UBXN1: variants seen among roughly 807,000 people sequenced by gnomAD.
UBXN1 encodes the protein UBX domain protein 1.
UBXN1 carries 21 observed loss-of-function variants against 42.0 expected under a neutral mutation model. The ratio of observed to expected loss-of-function variants is 0.50; its 90% CI spans 0.35 to 0.72. UBXN1 has a LOEUF of 0.72. UBXN1 is among the 30% of genes least tolerant of loss of function. The probability of loss-of-function intolerance (pLI) is 0.00; values close to 1 mark genes in which losing one functional copy is unlikely to be tolerated. For missense variants in UBXN1, 374 were observed against 382.2 expected, an observed-to-expected ratio of 0.98 and a Z score of 0.18; for synonymous variants, 172 against 142.6, an observed-to-expected ratio of 1.21 and a Z score of -1.47.
rs758224340 is a variant in UBXN1, at chr11:62,678,907, G to A, written c.17C>T (p.Ala6Val). ...GCCCATCTCGATGAGACTCTCAAGA[G>A]CCGTCAGCTCCGCCATGGCGCCGAC... MAELT[A>V]LESLIEMGFP... The change falls in exon 1 of 9, where the codon GCT (alanine) becomes GTT (valine). Residue 6 changes from alanine to valine, a missense_variant. By Grantham distance (64) the Ala-to-Val change is moderately conservative (BLOSUM62 0). Coordinates refer to ENST00000301935, the MANE Select transcript of UBXN1 (RefSeq NM_001286077.2). 2 of 1,595,426 alleles carry A rather than the reference G, an allele frequency of 1.3e-6. No homozygotes were observed. Among genetic ancestry groups the A allele is most frequent in the Admixed American group, 3.4e-5 (2 of 58,094 alleles).
At position 62,676,962 on chromosome 11, in the gene UBXN1, G is replaced by A. The variant is rs779666409; in HGVS notation, c.695C>T (p.Ala232Val). Residue 232 changes from alanine to valine, a missense_variant, in exon 8 of 9, where the codon GCC (alanine) becomes GTC (valine). By Grantham distance (64) the Ala-to-Val change is moderately conservative (BLOSUM62 0). Transcript: ENST00000301935. ...DGTSLTQTFRAREQLAAVRLY... is the reference protein window; with the variant it reads ...DGTSLTQTFRVREQLAAVRLY... ...CCTCACAGCTGCCAGCTGTTCCCGG[G>A]CCCGGAACGTCTGGGTCAGTGAGGT... 10 of 1,612,100 alleles carry A rather than the reference G, an allele frequency of 6.2e-6. No homozygotes were observed. The highest frequency in any genetic ancestry group is 8.5e-6 in the Non-Finnish European group (10 of 1,180,024).
chr11:62,677,771 A>T lies in UBXN1; in HGVS notation c.534+10T>A. On this transcript the variant is annotated intron_variant, in intron 6 of 8. Transcript: ENST00000301935. The stretch of plus-strand genomic sequence containing the variant: ...ACTCCATTACCCGTGGCGTCTTCTC[A>T]GTCACCTACCTTCTTGGCTCTCTCT... 6.2e-7 allele frequency: 1 copy of T among 1,614,252 alleles called. No homozygotes were observed. Among genetic ancestry groups the T allele is most frequent in the Non-Finnish European group, 8.5e-7 (1 of 1,180,044 alleles).
intron 5 of UBXN1, 38 bp downstream of exon 5, chr11:62,677,887 TTC>T (rs764992780): frequency 1.2e-6 from 2 of 1,614,056 alleles, no homozygotes; most frequent in African/African-American, 2.7e-5. Context: ...AAATCTTGAT[TTC>T]TTTCTCATCT....
Position 62,679,045 on chromosome 11 carries a change from C to G in UBXN1, c.-122G>C, listed in dbSNP as rs1214678365. 1 of 1,078,474 alleles carries G rather than the reference C, an allele frequency of 9.3e-7. No homozygotes were observed. The highest frequency in any genetic ancestry group is 1.3e-6 in the Non-Finnish European group (1 of 762,970). The allele number at this position is 1,078,474 out of a possible 1,614,324, so 66.8% of individuals were successfully genotyped here. On this transcript the variant is annotated 5_prime_UTR_variant, in exon 1 of 9. Transcript: ENST00000301935. ...CGGGCGCTCGCTCTCTCACCCGGCT[C>G]TATAGCAGCCGGGAACACCGACGAG...
chr11:62,679,010 C>T lies in UBXN1; in HGVS notation c.-87G>A. On this transcript the variant is annotated 5_prime_UTR_variant, in exon 1 of 9. Coordinates refer to ENST00000301935, the MANE Select transcript of UBXN1 (RefSeq NM_001286077.2). The stretch of plus-strand genomic sequence containing the variant: ...TCAGCGCGAGGCAACCCGCCCTCGA[C>T]ACCCGCCGACGGGCGCTCGCTCTCT... The T allele has an allele frequency of 1.4e-6, 2 of 1,424,986 alleles. No homozygotes were observed. 88.3% of individuals were successfully genotyped at this position (1,424,986 alleles called of 1,614,324 possible).
Position 62,678,945 on chromosome 11 carries a change from G to T in UBXN1, c.-22C>A. 1 of 1,565,266 alleles carries T rather than the reference G, an allele frequency of 6.4e-7. No individual in the cohort carries two copies. ...CCATGGCGCCGACACCGCGGCTTCC[G>T]CGGGGACCTGGTGTGTGACGAGAAG... is the stretch of plus-strand genomic sequence containing the variant. On this transcript the variant is annotated 5_prime_UTR_variant, in exon 1 of 9. Coordinates refer to ENST00000301935, the MANE Select transcript of UBXN1 (RefSeq NM_001286077.2).
At position 62,678,542 on chromosome 11, in the gene UBXN1, T is replaced by C. The variant is rs1179060478; in HGVS notation, c.173A>G (p.His58Arg). Residue 58 changes from histidine to arginine, a missense_variant, in exon 3 of 9, where the codon CAT becomes CGT. By Grantham distance (29) the His-to-Arg change is conservative (BLOSUM62 0). Transcript: ENST00000301935. ...GGAAGTGGGCTCCCGTCCCAGGATA[T>C]GTCCAAGGGGAGTCTCTAAAGGCTC... ...VDEPLETPLG[H>R]ILGREPTSSE... is the part of the protein sequence containing the mutation. The C allele has an allele frequency of 1.2e-6, 2 of 1,611,458 alleles. No homozygotes were observed. The highest frequency in any genetic ancestry group is 3.4e-5 in the Admixed American group (2 of 59,430).
intron 7 of UBXN1, 55 bp from the exon 8 acceptor site, chr11:62,677,060 C>T (rs1355705653): frequency 6.4e-6 from 10 of 1,552,578 alleles, no homozygotes; most frequent in Non-Finnish European, 8.7e-6. Flanking sequence ...AATGAGGTGC[C>T]CAAGTAAGGA....
Position 62,676,902 on chromosome 11 carries a change from C to T in UBXN1, c.755G>A (p.Gly252Asp), listed in dbSNP as rs1220097344. The change falls in exon 8 of 9, where the codon GGT (glycine) becomes GAT (aspartate). Residue 252 changes from glycine (G) to aspartate (D), a missense_variant. Transcript: ENST00000301935. ...CAATTGCACAGGGTCCTGGCCCCCA[C>T]CTAGTTCCTCCCCACGGTGGAGCTC... ...YVELHRGEELGGGQDPVQLLS... is the reference protein window; with the variant it reads ...YVELHRGEELDGGQDPVQLLS... The T allele has an allele frequency of 1.9e-6, 3 of 1,613,970 alleles. No homozygotes were observed. In the Admixed American group the frequency reaches 5.0e-5, roughly 27 times the overall value.
Position 62,678,983 on chromosome 11 carries a change from G to C in UBXN1, c.-60C>G, listed in dbSNP as rs1220007153. On this transcript the variant is annotated 5_prime_UTR_variant, in exon 1 of 9. Transcript: ENST00000301935. ...GTGTGACGAGAAGGAGGGCGGGAAG[G>C]GTCAGCGCGAGGCAACCCGCCCTCG... 2 of 1,526,870 alleles carry C rather than the reference G, an allele frequency of 1.3e-6. No homozygotes were observed. The highest frequency in any genetic ancestry group is 4.1e-5 in the Admixed American group (2 of 49,358). The allele number at this position is 1,526,870 out of a possible 1,614,324, so 94.6% of individuals were successfully genotyped here.
In UBXN1 at chr11:62,677,498, A is replaced by G. The variant is rs1267072849; in HGVS notation, c.651+20T>C. ...GGAACAAAGGGGTCCCAAGAGGAAG[A>G]TAAGAATTAGAATCAGTACCTGTAT... On this transcript the variant is annotated intron_variant, in intron 7 of 8. Transcript: ENST00000301935. 4 of 1,612,856 alleles carry G rather than the reference A, an allele frequency of 2.5e-6. No homozygotes were observed. The highest frequency in any genetic ancestry group is 2.2e-5 in the East Asian group (1 of 44,886).
Position 62,677,641 on chromosome 11 carries a change from G to A in UBXN1, c.535-7C>T, listed in dbSNP as rs1945045906. The A allele has an allele frequency of 6.2e-7, 1 of 1,612,132 alleles. No homozygotes were observed. On this transcript the variant is annotated splice_region_variant and splice_polypyrimidine_tract_variant and intron_variant, in intron 6 of 8. Coordinates refer to ENST00000301935, the MANE Select transcript of UBXN1 (RefSeq NM_001286077.2). ...AGCCCACACTGCCACCATACTAAAG[G>A]GCAAAGTAAAACAGTCAATCAGGTA...
chr11:62,678,641 G>GCCCCCCCCCCCCCCCCCCCAAAAAACC, intron 2 of UBXN1, 40 bp from the exon 3 acceptor site: 6 of 1,596,358 alleles, frequency 3.8e-6, no homozygotes, highest in Non-Finnish European at 5.1e-6. Context: ...CTTTGAGGCT[G>GCCCCCCCCCCCCCCCCCCCAAAAAACC]CCCCTCCCGC....
Position 62,679,072 on chromosome 11 carries a change from A to G in UBXN1, c.-149T>C. 1.2e-6 allele frequency: 1 copy of G among 840,816 alleles called. No homozygotes were observed. The highest frequency in any genetic ancestry group is 1.8e-6 in the Non-Finnish European group (1 of 553,962). 52.1% of individuals were successfully genotyped at this position (840,816 alleles called of 1,614,324 possible). A position where few individuals can be genotyped will look rare whatever the true frequency, so the allele number is the denominator to read the frequency against. On this transcript the variant is annotated 5_prime_UTR_variant, in exon 1 of 9. Coordinates refer to ENST00000301935, the MANE Select transcript of UBXN1 (RefSeq NM_001286077.2). ...ATAGCAGCCGGGAACACCGACGAGAAGAAAGCCGAGGGGAAGCGGAAGTGC... is the reference window on the plus strand; with the variant it reads ...ATAGCAGCCGGGAACACCGACGAGAGGAAAGCCGAGGGGAAGCGGAAGTGC...
In UBXN1 at chr11:62,676,512, G is replaced by A; in HGVS notation, c.*78C>T. 1 of 1,496,772 alleles carries A rather than the reference G, an allele frequency of 6.7e-7. No individual in the cohort carries two copies. Among genetic ancestry groups the A allele is most frequent in the Non-Finnish European group, 9.0e-7 (1 of 1,109,186 alleles). The allele number at this position is 1,496,772 out of a possible 1,614,324, so 92.7% of individuals were successfully genotyped here. On this transcript the variant is annotated 3_prime_UTR_variant, in exon 9 of 9. Transcript: ENST00000301935. ...GGAGTCAGGCATGTACAGAACTCAG[G>A]GTCTATTTATTAGGAAGGAGATGTC...
In UBXN1 at chr11:62,676,854, G is replaced by A. The variant is rs1179757923; in HGVS notation, c.803C>T (p.Ala268Val). ...CCGCTCCATGTCAGCTTCTGAGAAG[G>A]CCCGTCTGGGGAAGCCACTGAGCAA... is the stretch of plus-strand genomic sequence containing the variant. Reference protein sequence around the residue: ...VQLLSGFPRRAFSEADMERPL... With the variant: ...VQLLSGFPRRVFSEADMERPL... Residue 268 changes from alanine to valine, a missense_variant, in exon 8 of 9, where the codon GCC (alanine) becomes GTC (valine). Transcript: ENST00000301935. The A allele has an allele frequency of 6.2e-7, 1 of 1,614,130 alleles. No individual in the cohort carries two copies. The highest frequency in any genetic ancestry group is 8.5e-7 in the Non-Finnish European group (1 of 1,180,040).
At chr11:62,678,435 T>C (rs1945075903) in intron 3 of UBXN1, 27 bp from the exon 4 acceptor site, 1 of 1,614,032 alleles carries the variant, frequency 6.2e-7, no homozygotes, top group African/African-American at 1.3e-5. Flanking sequence ...GGTATTATTA[T>C]CCCTTCAGAT....
intron 8 of UBXN1, 58 bp downstream of exon 8, chr11:62,676,755 A>C (rs1421998150): frequency 1.2e-6 from 2 of 1,614,018 alleles, no homozygotes; most frequent in East Asian, 4.5e-5. Flanking sequence ...TCCTTTTCCT[A>C]GGCATGCCTC....
In UBXN1 at chr11:62,677,025, C is replaced by T. The variant is rs771158048; in HGVS notation, c.652-20G>A. The T allele has an allele frequency of 1.9e-6, 3 of 1,600,012 alleles. No individual in the cohort carries two copies. Among genetic ancestry groups the T allele is most frequent in the Non-Finnish European group, 8.5e-7 (1 of 1,176,328 alleles). On this transcript the variant is annotated intron_variant, in intron 7 of 8. Coordinates refer to ENST00000301935, the MANE Select transcript of UBXN1 (RefSeq NM_001286077.2). ...CCTGACCTAAAGGGCAAGGGAGATACTCAGTATTGTGGGCATCAAAACTGA... is the reference window on the plus strand; with the variant it reads ...CCTGACCTAAAGGGCAAGGGAGATATTCAGTATTGTGGGCATCAAAACTGA...
Sources: gnomAD v4.1 joint callset for allele counts on GRCh38, gnomAD v4.1.1 for gene constraint, MANE v1.5 for transcripts, NCBI Gene and HGNC (gene_info 2026-07-23, HGNC 2026-07-21) for gene names.